GRID1: variants seen among roughly 807,000 people sequenced by gnomAD.
GRID1 encodes glutamate ionotropic receptor delta type subunit 1.
A neutral mutation model predicts 98.0 loss-of-function variants in GRID1; 28 were observed. The ratio of observed to expected loss-of-function variants is 0.29; its 90% CI spans 0.21 to 0.39. GRID1 has a LOEUF of 0.39. Among genes scored for constraint, GRID1 ranks in the 10% least tolerant of loss-of-function variants. The pLI is 1.00. For missense variants in GRID1, 1,111 were observed against 1,340.5 expected, an observed-to-expected ratio of 0.83 and a Z score of 2.67; for synonymous variants, 553 against 538.5, an observed-to-expected ratio of 1.03 and a Z score of -0.37.
intron 4 of GRID1, among the ~76,000 whole-genome samples, chr10:85,989,405 T>C (rs1180460593): frequency 6.7e-6 from 1 of 148,742 alleles, no homozygotes; most frequent in Non-Finnish European, 1.5e-5. Context: ...CACGGACTGG[T>C]ACCTGCATTT....
At chr10:86,202,753 C>G (rs546709397) in intron 3 of GRID1, among the ~76,000 whole-genome samples, 1 of 152,214 alleles carries the variant, frequency 6.6e-6, no homozygotes, top group Non-Finnish European at 1.5e-5. Context: ...AGTCCTCAGG[C>G]TCTACCTGGG....
chr10:86,177,547 AAAAC>A (rs763851778), intron 3 of GRID1, among the ~76,000 whole-genome samples: 1 of 151,528 alleles, frequency 6.6e-6, no homozygotes, highest in Non-Finnish European at 1.5e-5. Flanking sequence ...ATGCATGAGA[AAAAC>A]AGACAGATTC....
chr10:85,697,268 T>G (rs1296902877), intron 12 of GRID1, among the ~76,000 whole-genome samples: 1 of 148,830 alleles, frequency 6.7e-6, no homozygotes, highest in Non-Finnish European at 1.5e-5. Context: ...ACTAGATTTG[T>G]CAGATTTTAC....
chr10:85,957,155 C>T (rs1313602903), intron 4 of GRID1, among the ~76,000 whole-genome samples: 1 of 152,152 alleles, frequency 6.6e-6, no homozygotes, highest in Non-Finnish European at 1.5e-5. Context: ...CGAGGTCCCT[C>T]CCCCAACACG....
At chr10:85,849,284 G>C (rs1461154565) in intron 8 of GRID1, among the ~76,000 whole-genome samples, 1 of 152,176 alleles carries the variant, frequency 6.6e-6, no homozygotes, top group Non-Finnish European at 1.5e-5. Flanking sequence ...CCTGCACAAA[G>C]AGCAGTTATT....
intron 5 of GRID1, among the ~76,000 whole-genome samples, chr10:85,888,353 G>A (rs763357019): frequency 3.3e-5 from 5 of 152,166 alleles, no homozygotes; most frequent in African/African-American, 9.7e-5. Context: ...AGACTAGCAC[G>A]TGGAGGAACA....
Position 85,602,365 on chromosome 10 carries a change from G to A in GRID1, c.2938C>T (p.Pro980Ser). Residue 980 changes from proline to serine, a missense_variant, in exon 16 of 16, where the codon CCG (proline) becomes TCG (serine). Physicochemically the swap from Pro to Ser is moderately conservative, Grantham distance 74. Around this residue, in one of 3 missense-constraint regions of GRID1, gnomAD observed 762 missense variants for 869.1 expected, o/e 0.88. Transcript: ENST00000327946. The stretch of plus-strand genomic sequence containing the variant: ...GACATGGGGATGGGGGTCTTCACCG[G>A]GCTCTGCCGGAACAGCCCCCCGTTG... ...SPNGGLFRQS[P>S]VKTPIPMSFQ... is the part of the protein sequence containing the mutation. The A allele has an allele frequency of 1.9e-6, 3 of 1,602,222 alleles. No individual in the cohort carries two copies. Among genetic ancestry groups the A allele is most frequent in the Non-Finnish European group, 2.6e-6 (3 of 1,171,950 alleles).
chr10:85,976,502 A>G (rs1370336333), intron 4 of GRID1, among the ~76,000 whole-genome samples: 1 of 152,232 alleles, frequency 6.6e-6, no homozygotes, highest in Non-Finnish European at 1.5e-5. Flanking sequence ...GGAAGGCTAC[A>G]GATTCTAGCT....
At chr10:85,908,484 T>A (rs890400424) in intron 5 of GRID1, among the ~76,000 whole-genome samples, 22 of 152,168 alleles carry the variant, frequency 1.4e-4, no homozygotes, top group African/African-American at 4.8e-4. Flanking sequence ...CTCACAAAAA[T>A]ATGTGAAAAA....
At chr10:86,139,080 C>G in intron 3 of GRID1, 56 bp from the exon 4 acceptor site, 1 of 1,272,388 alleles carries the variant, frequency 7.9e-7, no homozygotes, top group Admixed American at 1.7e-5. Flanking sequence ...GGGAATGCAC[C>G]CGGGAGGGTG....
At chr10:85,947,271 C>A (rs1463803205) in intron 4 of GRID1, among the ~76,000 whole-genome samples, 1 of 152,168 alleles carries the variant, frequency 6.6e-6, no homozygotes, top group East Asian at 1.9e-4. Context: ...GCATTGGTAC[C>A]TTGTTACCCA....
chr10:85,954,951 T>C (rs1375622835), intron 4 of GRID1, among the ~76,000 whole-genome samples: 2 of 152,224 alleles, frequency 1.3e-5, no homozygotes, highest in Non-Finnish European at 2.9e-5. Context: ...TTTTTTCTCC[T>C]TTTCTAGTAC....
intron 12 of GRID1, among the ~76,000 whole-genome samples, chr10:85,717,166 T>C (rs1022442012): frequency 6.6e-6 from 1 of 152,240 alleles, no homozygotes; most frequent in East Asian, 1.9e-4. Context: ...GATATGTTAC[T>C]TAGCTTCATT....
At chr10:86,175,659 G>T (rs1289504250) in intron 3 of GRID1, among the ~76,000 whole-genome samples, 1 of 152,168 alleles carries the variant, frequency 6.6e-6, no homozygotes, top group African/African-American at 2.4e-5. Context: ...CTGGCACAGG[G>T]GAGTGTTTGG....
At chr10:86,169,200 A>G (rs1845444668) in intron 3 of GRID1, among the ~76,000 whole-genome samples, 1 of 152,230 alleles carries the variant, frequency 6.6e-6, no homozygotes. Flanking sequence ...GCCTCTGGAA[A>G]CACTGCCCTG....
chr10:86,026,840 C>A (rs1162692988), intron 4 of GRID1, among the ~76,000 whole-genome samples: 3 of 152,178 alleles, frequency 2.0e-5, no homozygotes, highest in African/African-American at 7.2e-5. Flanking sequence ...GGTGTGAATC[C>A]CAGTTCAGCA....
At chr10:85,977,954 G>A (rs192883229) in intron 4 of GRID1, among the ~76,000 whole-genome samples, 17 of 152,254 alleles carry the variant, frequency 1.1e-4, no homozygotes, top group Admixed American at 9.8e-4. Context: ...GATCACAGAC[G>A]CCACTCCAGG....
rs181409563 is a variant in GRID1, at chr10:85,760,694, A to G, written c.1234-31080T>C. 9.5e-4 allele frequency among the ~76,000 whole-genome samples: 145 copies of G among 152,286 alleles called. 1 individual carries two copies. Among genetic ancestry groups the G allele is most frequent in the African/African-American group, 3.3e-3 (138 of 41,558 alleles). On this transcript the variant is annotated intron_variant, in intron 8 of 15. Transcript: ENST00000327946. ...TAAGTATACATTTGCAACACGTTCT[A>G]TAGTGTCTCAAGCACAATTTCCTCA...
intron 4 of GRID1, among the ~76,000 whole-genome samples, chr10:86,096,530 G>T (rs1343310271): frequency 6.6e-6 from 1 of 152,188 alleles, no homozygotes; most frequent in African/African-American, 2.4e-5. Flanking sequence ...TCCAGATACG[G>T]ATTTGCTATG....
Sources: allele counts gnomAD v4.1 joint callset (sites outside exome capture counted in the v4.1 genomes callset), GRCh38; gene constraint gnomAD v4.1.1; regional missense constraint gnomAD v4.1.1; transcripts MANE v1.5; gene names NCBI Gene and HGNC (gene_info 2026-07-23, HGNC 2026-07-21).